The following TMEM38B variants were observed in gnomAD, a reference collection of about 807,000 sequenced individuals.
TMEM38B encodes the protein transmembrane protein 38B.
Under a neutral mutation model 28.7 loss-of-function variants are expected in TMEM38B, and 24 were observed. The ratio of observed to expected loss-of-function variants is 0.84; its 90% CI spans 0.61 to 1.18. The LOEUF is 1.18. Among genes scored for constraint, TMEM38B ranks in the 50% most tolerant of loss-of-function variants. The pLI is 0.00. For synonymous variants in TMEM38B, 131 were observed against 127.7 expected (o/e 1.03, Z -0.17); for missense variants, 380 against 350.9 (o/e 1.08, Z -0.66).
chr9:105,714,711 C>T (rs1836031650), intron 2 of TMEM38B, among the ~76,000 whole-genome samples: 1 of 152,210 alleles, frequency 6.6e-6, no homozygotes, highest in South Asian at 2.1e-4. Context: ...TTCAGATAGA[C>T]TCCTGAGACA....
At chr9:105,733,166 T>G (rs1213257513) in intron 4 of TMEM38B, among the ~76,000 whole-genome samples, 1 of 152,166 alleles carries the variant, frequency 6.6e-6, no homozygotes, top group East Asian at 1.9e-4. Context: ...ATGTGGTCAA[T>G]TTTAGAATAA....
intron 5 of TMEM38B, among the ~76,000 whole-genome samples, chr9:105,763,484 G>A (rs1260594448): frequency 3.3e-5 from 5 of 152,136 alleles, no homozygotes; most frequent in African/African-American, 4.8e-5. Flanking sequence ...AAATCTAGAA[G>A]AAATGGATAA....
intron 1 of TMEM38B, among the ~76,000 whole-genome samples, chr9:105,698,475 T>TC (rs1835358426): frequency 1.3e-5 from 2 of 152,144 alleles, no homozygotes; most frequent in South Asian, 4.1e-4. Flanking sequence ...TATTTTTTTT[T>TC]CAAAATCTAT....
intron 3 of TMEM38B, 44 bp downstream of exon 3, chr9:105,721,765 T>C (rs1564394815): frequency 1.4e-6 from 2 of 1,424,714 alleles, no homozygotes; most frequent in Admixed American, 1.8e-5. Flanking sequence ...GTTGTTGGTG[T>C]ATTATTAATA....
At chr9:105,718,787 A>G (rs1356792218) in intron 2 of TMEM38B, among the ~76,000 whole-genome samples, 3 of 152,164 alleles carry the variant, frequency 2.0e-5, no homozygotes, top group Non-Finnish European at 4.4e-5. Context: ...TTTGTTTCCT[A>G]TATATTTTTC....
At chr9:105,703,314 GTC>G (rs1189797077) in intron 1 of TMEM38B, among the ~76,000 whole-genome samples, 3 of 152,142 alleles carry the variant, frequency 2.0e-5, no homozygotes, top group Non-Finnish European at 4.4e-5. Context: ...GTGGAACTCT[GTC>G]TCTACTAAAA....
intron 5 of TMEM38B, among the ~76,000 whole-genome samples, chr9:105,765,926 C>T (rs965345855): frequency 2.0e-5 from 3 of 152,030 alleles, no homozygotes; most frequent in African/African-American, 7.2e-5. Context: ...CTCAGCTTCT[C>T]GAGTAGATGG....
intron 4 of TMEM38B, among the ~76,000 whole-genome samples, chr9:105,747,616 TAG>T (rs1837467599): frequency 6.6e-6 from 1 of 152,222 alleles, no homozygotes; most frequent in Admixed American, 6.5e-5. Context: ...TGCCTTCTGC[TAG>T]CTTTTGAATG....
At chr9:105,745,327 C>G (rs568194600) in intron 4 of TMEM38B, among the ~76,000 whole-genome samples, 10 of 152,212 alleles carry the variant, frequency 6.6e-5, no homozygotes, top group Non-Finnish European at 1.5e-4. Flanking sequence ...TTGCATTTCT[C>G]TGATGGCCAG....
chr9:105,739,442 A>C (rs965314678), intron 4 of TMEM38B, among the ~76,000 whole-genome samples: 1 of 152,324 alleles, frequency 6.6e-6, no homozygotes, highest in Admixed American at 6.5e-5. Flanking sequence ...GTGAAAAACA[A>C]AAATAGTGAT....
At chr9:105,767,537 G>C (rs189441512) in intron 5 of TMEM38B, among the ~76,000 whole-genome samples, 1 of 152,308 alleles carries the variant, frequency 6.6e-6, no homozygotes, top group African/African-American at 2.4e-5. Flanking sequence ...GAAGAAATCA[G>C]ATCTTAAAAA....
rs1363684732 is a variant in TMEM38B at position 105,705,614 on chromosome 9, T to C, written c.130T>C (p.Trp44Arg). The C allele has an allele frequency of 6.2e-7, 1 of 1,613,802 alleles. No homozygotes were observed. Among genetic ancestry groups the C allele is most frequent in the East Asian group, 2.2e-5 (1 of 44,854 alleles). Residue 44 changes from tryptophan to arginine, a missense_variant, in exon 2 of 6, where the codon TGG becomes CGG. By Grantham distance (101) the Trp-to-Arg change is moderately radical. Transcript: ENST00000374692. ...CATTTCAGGAGCAGCTGCATTGGCATGGAAGAATCCTATTTCAAGCTGGTT... is the reference window on the plus strand; with the variant it reads ...CATTTCAGGAGCAGCTGCATTGGCACGGAAGAATCCTATTTCAAGCTGGTT... The part of the protein sequence containing the change: ...KRQPGAAALA[W>R]KNPISSWFTA...
intron 2 of TMEM38B, among the ~76,000 whole-genome samples, chr9:105,720,103 G>T (rs1217977860): frequency 2.6e-5 from 4 of 151,796 alleles, no homozygotes; most frequent in Non-Finnish European, 5.9e-5. Flanking sequence ...CCATACAAAT[G>T]GTCTTCAGAA....
intron 5 of TMEM38B, chr9:105,759,159 A>G (rs1837943793): frequency 1.3e-6 from 1 of 761,432 alleles, no homozygotes. Flanking sequence ...ATTCAGCACA[A>G]TCACAGATTA....
intron 4 of TMEM38B, among the ~76,000 whole-genome samples, chr9:105,734,092 C>T (rs1836877839): frequency 6.6e-6 from 1 of 151,786 alleles, no homozygotes; most frequent in African/African-American, 2.4e-5. Context: ...ATAAACTTCC[C>T]TCTTAGACCC....
intron 5 of TMEM38B, among the ~76,000 whole-genome samples, chr9:105,756,648 T>C (rs1837841640): frequency 6.6e-6 from 1 of 152,208 alleles, no homozygotes; most frequent in Non-Finnish European, 1.5e-5. Context: ...CTTACAATTG[T>C]TGCTGGATGT....
intron 5 of TMEM38B, among the ~76,000 whole-genome samples, chr9:105,773,516 A>G (rs1056485199): frequency 2.0e-5 from 3 of 152,218 alleles, no homozygotes; most frequent in East Asian, 3.8e-4. Flanking sequence ...AAAGTTAAAG[A>G]GAACGACAAT....
intron 1 of TMEM38B, among the ~76,000 whole-genome samples, chr9:105,704,274 A>G (rs1835568915): frequency 6.6e-6 from 1 of 152,012 alleles, no homozygotes; most frequent in Non-Finnish European, 1.5e-5. Context: ...GCGCGTGCCT[A>G]TAATCCCAGC....
intron 4 of TMEM38B, among the ~76,000 whole-genome samples, chr9:105,732,960 C>T (rs546460029): frequency 6.6e-6 from 1 of 151,880 alleles, no homozygotes; most frequent in African/African-American, 2.4e-5. Context: ...GTTCAAAGAA[C>T]ATCTTCATTT....
Sources: gnomAD v4.1 joint callset for allele counts (sites outside exome capture counted in the v4.1 genomes callset) on GRCh38, gnomAD v4.1.1 for gene constraint, MANE v1.5 for transcripts, NCBI Gene and HGNC (gene_info 2026-07-23, HGNC 2026-07-21) for gene names.